The following HIVEP1 variants were observed in gnomAD, a reference collection of about 807,000 sequenced individuals.
HIVEP1 encodes the protein zinc finger protein 40.
A neutral mutation model predicts 180.0 loss-of-function variants in HIVEP1; 36 were observed. That is an observed-to-expected ratio of 0.20 (90% CI 0.15 to 0.26). The LOEUF is 0.26. Among genes scored for constraint, HIVEP1 ranks in the 10% least tolerant of loss-of-function variants. The pLI is 1.00. For missense variants in HIVEP1, 3,143 were observed against 3,268.7 expected (o/e 0.96, Z 0.94); for synonymous variants, 1,239 against 1,239.0 (o/e 1.00, Z 0.00).
chr6:12,090,677 T>C (rs1009813338), intron 3 of HIVEP1, among the ~76,000 whole-genome samples: 6 of 151,592 alleles, frequency 4.0e-5, no homozygotes, highest in African/African-American at 1.5e-4. Flanking sequence ...ATGAGGCATT[T>C]GAGACACTCA....
At chr6:12,126,642 G>A (rs1440591790) in intron 4 of HIVEP1, among the ~76,000 whole-genome samples, 1 of 152,144 alleles carries the variant, frequency 6.6e-6, no homozygotes, top group African/African-American at 2.4e-5. Context: ...TCATAAGCAT[G>A]CAACACAGGT....
intron 2 of HIVEP1, among the ~76,000 whole-genome samples, chr6:12,080,148 C>T (rs1377725189): frequency 6.6e-6 from 1 of 152,088 alleles, no homozygotes; most frequent in Non-Finnish European, 1.5e-5. Context: ...GAGAATCATC[C>T]TTGGGCTAAG....
At chr6:12,088,675 G>A (rs1234701194) in intron 2 of HIVEP1, among the ~76,000 whole-genome samples, 3 of 152,062 alleles carry the variant, frequency 2.0e-5, no homozygotes, top group African/African-American at 7.2e-5. Context: ...CTTCATAGAT[G>A]CTGTCAGCTC....
intron 6 of HIVEP1, among the ~76,000 whole-genome samples, chr6:12,133,075 T>C (rs1758513528): frequency 6.6e-6 from 1 of 152,206 alleles, no homozygotes; most frequent in South Asian, 2.1e-4. Context: ...GATGGCATGC[T>C]GTATAAATAT....
chr6:12,010,784 C>A (rs927343632), upstream of HIVEP1, among the ~76,000 whole-genome samples: 1 of 152,184 alleles, frequency 6.6e-6, no homozygotes, highest in Non-Finnish European at 1.5e-5. Context: ...AGCCCCTCTT[C>A]ACTGCTTTGC....
intron 3 of HIVEP1, among the ~76,000 whole-genome samples, chr6:12,102,399 G>T (rs902644714): frequency 6.6e-6 from 1 of 152,160 alleles, no homozygotes; most frequent in South Asian, 2.1e-4. Flanking sequence ...TGCTCCAACT[G>T]CCATGGAATG....
At chr6:12,147,025 C>G (rs1394515136) in intron 7 of HIVEP1, among the ~76,000 whole-genome samples, 10 of 152,150 alleles carry the variant, frequency 6.6e-5, no homozygotes, top group African/African-American at 2.4e-4. Flanking sequence ...GGCAAACATT[C>G]TAGACCAAGG....
In HIVEP1 at chr6:12,121,336, A is replaced by G. The variant is rs1394826391; in HGVS notation, c.1541A>G (p.Gln514Arg). 4 of 1,614,058 alleles carry G rather than the reference A, an allele frequency of 2.5e-6. No homozygotes were observed. In the African/African-American group the frequency reaches 5.3e-5, roughly 22 times the overall value. Reference protein sequence around the residue: ...RQHDLGAMELQPVHIIKRMSN... With the variant: ...RQHDLGAMELRPVHIIKRMSN... ...CATGACCTGGGCGCCATGGAGCTGC[A>G]GCCTGTGCACATAATAAAGAGGATG... The change falls in exon 4 of 9, where the codon CAG (glutamine) becomes CGG (arginine). Residue 514 changes from glutamine to arginine, a missense_variant. Transcript: ENST00000379388. The surrounding 1 kb of genome is among the most constrained non-coding windows in gnomAD (Gnocchi z 5.3).
chr6:12,142,845 A>G (rs928173332), intron 7 of HIVEP1, among the ~76,000 whole-genome samples: 7 of 152,222 alleles, frequency 4.6e-5, no homozygotes, highest in African/African-American at 1.7e-4. Flanking sequence ...AAGAAGTTCA[A>G]TCTCTGAATA....
intron 2 of HIVEP1, among the ~76,000 whole-genome samples, chr6:12,034,331 C>T (rs1769141920): frequency 6.6e-6 from 1 of 152,138 alleles, no homozygotes; most frequent in South Asian, 2.1e-4. Context: ...TTTTTGGCAA[C>T]CGAATCTATG....
intron 2 of HIVEP1, among the ~76,000 whole-genome samples, chr6:12,075,469 G>T (rs1261808591): frequency 6.6e-6 from 1 of 152,102 alleles, no homozygotes; most frequent in Non-Finnish European, 1.5e-5. Context: ...CTGGCCTTTA[G>T]CTGCTTCACC....
chr6:12,106,683 G>A (rs144235374), intron 3 of HIVEP1, among the ~76,000 whole-genome samples: 7 of 152,138 alleles, frequency 4.6e-5, no homozygotes, highest in East Asian at 1.9e-4. Flanking sequence ...CCTTCTTACC[G>A]TCATTTATAT....
chr6:12,048,463 C>T (rs907793947), intron 2 of HIVEP1, among the ~76,000 whole-genome samples: 5 of 152,210 alleles, frequency 3.3e-5, no homozygotes, highest in African/African-American at 9.7e-5. Context: ...GGCCTTCCAA[C>T]CAATATGCCC....
intron 2 of HIVEP1, among the ~76,000 whole-genome samples, chr6:12,032,295 T>C (rs993155135): frequency 5.9e-5 from 9 of 151,942 alleles, no homozygotes; most frequent in African/African-American, 1.7e-4. Context: ...AGCGCCACCA[T>C]GCCCGGCTAA....
At chr6:12,158,076 T>G (rs1278823595) in intron 7 of HIVEP1, among the ~76,000 whole-genome samples, 1 of 152,216 alleles carries the variant, frequency 6.6e-6, no homozygotes, top group Non-Finnish European at 1.5e-5. Flanking sequence ...CTCAGTCATT[T>G]CTAACATAGG....
chr6:12,102,507 A>AG (rs11375884), intron 3 of HIVEP1, among the ~76,000 whole-genome samples: 144,532 of 152,250 alleles, frequency 0.95, 69,035 homozygotes, highest in East Asian at 1. Flanking sequence ...TCAGCAAACC[A>AG]AACTTCTGTT....
intron 2 of HIVEP1, among the ~76,000 whole-genome samples, chr6:12,051,240 G>A (rs748683573): frequency 1.3e-5 from 2 of 151,590 alleles, no homozygotes; most frequent in Non-Finnish European, 1.5e-5. Flanking sequence ...TCCCACTACG[G>A]ATATAGGATT....
chr6:12,135,327 C>T (rs1022723032), intron 6 of HIVEP1, among the ~76,000 whole-genome samples: 5 of 152,266 alleles, frequency 3.3e-5, no homozygotes, highest in African/African-American at 1.2e-4. Context: ...TTCTGCAACC[C>T]AGGGTACTTA....
intron 7 of HIVEP1, among the ~76,000 whole-genome samples, chr6:12,148,065 T>G (rs1197117658): frequency 6.6e-6 from 1 of 152,238 alleles, no homozygotes; most frequent in Non-Finnish European, 1.5e-5. Flanking sequence ...TGTTTCATTT[T>G]ACTAACAATT....
Sources: gnomAD v4.1 joint callset for allele counts (sites outside exome capture counted in the v4.1 genomes callset) on GRCh38, gnomAD v4.1.1 for gene constraint, Gnocchi (gnomAD v3.1) non-coding constraint, MANE v1.5 for transcripts, NCBI Gene and HGNC (gene_info 2026-07-23, HGNC 2026-07-21) for gene names.